Variants in SYCE1L observed in about 807,000 individuals in gnomAD.
The protein encoded by SYCE1L is synaptonemal complex central element protein 1-like.
SYCE1L carries 51 observed loss-of-function variants against 39.6 expected under a neutral mutation model. The observed-to-expected ratio is 1.29, with a 90% confidence interval of 1.03 to 1.63. SYCE1L has a LOEUF of 1.63. SYCE1L is among the 40% of genes most tolerant of loss of function. The pLI is 0.00. For missense variants in SYCE1L, 426 were observed against 304.9 expected (o/e 1.40, Z -2.96); for synonymous variants, 147 against 122.4 (o/e 1.20, Z -1.33).
chr16:77,209,383 C>T, intron 5 of SYCE1L, 34 bp from the exon 6 acceptor site: 1 of 1,550,694 alleles, frequency 6.4e-7, no homozygotes, highest in Non-Finnish European at 8.7e-7. Context: ...TCCCCAAGAG[C>T]TCTCAAAGGG....
At chr16:77,204,767 G>A (rs1453444370) in intron 1 of SYCE1L, among the ~76,000 whole-genome samples, 4 of 152,202 alleles carry the variant, frequency 2.6e-5, no homozygotes, top group Middle Eastern at 3.4e-3. Flanking sequence ...GGATGTGGCC[G>A]GCTGCGGTGG....
intron 1 of SYCE1L, among the ~76,000 whole-genome samples, chr16:77,205,158 G>A (rs1164921369): frequency 6.6e-6 from 1 of 151,848 alleles, no homozygotes; most frequent in Non-Finnish European, 1.5e-5. Context: ...CTCTGAGGAG[G>A]AGAATTGGAG....
chr16:77,203,553 T>A (rs2054761846), intron 1 of SYCE1L, among the ~76,000 whole-genome samples: 1 of 151,636 alleles, frequency 6.6e-6, no homozygotes, highest in African/African-American at 2.4e-5. Context: ...CCTGCAAACA[T>A]GCTGTAAGTA....
intron 1 of SYCE1L, chr16:77,201,323 A>C (rs1036352277): frequency 6.6e-6 from 1 of 152,248 alleles, no homozygotes; most frequent in East Asian, 1.9e-4. Flanking sequence ...CAATTAAAAA[A>C]AAAATTTTAG....
At chr16:77,205,307 T>C (rs1383750269) in intron 1 of SYCE1L, among the ~76,000 whole-genome samples, 1 of 151,692 alleles carries the variant, frequency 6.6e-6, no homozygotes, top group East Asian at 1.9e-4. Flanking sequence ...CGTAGGTCAC[T>C]GAGATTTGAC....
intron 6 of SYCE1L, among the ~76,000 whole-genome samples, chr16:77,210,976 G>C (rs1291701278): frequency 6.6e-6 from 1 of 152,210 alleles, no homozygotes; most frequent in Non-Finnish European, 1.5e-5. Context: ...AGGAATCTGG[G>C]GTAACTCCCA....
intron 1 of SYCE1L, chr16:77,200,274 G>GTATATATATATATATATATATATA (rs1229854135): frequency 8.8e-6 from 1 of 113,574 alleles, no homozygotes. Context: ...ATATATATGT[G>GTATATATATATATATATATATATA]TATATATATA....
Position 77,206,461 on chromosome 16 carries a change from A to T in SYCE1L, c.82A>T (p.Thr28Ser). ...EAEGQAKSLKTEDLLAMVIKL... is the reference protein window; with the variant it reads ...EAEGQAKSLKSEDLLAMVIKL... Reference sequence around the variant, plus strand: ...TACAGGGCAAGCCAAGTCTTTGAAGACTGAAGACTTGCTGGCAATGGTGAT... The same window carrying T: ...TACAGGGCAAGCCAAGTCTTTGAAGTCTGAAGACTTGCTGGCAATGGTGAT... Residue 28 changes from threonine (T) to serine (S), a missense_variant, in exon 2 of 11, where the codon ACT becomes TCT. Thr to Ser is a moderately conservative substitution (Grantham distance 58). Transcript: ENST00000378644. 6.4e-7 allele frequency: 1 copy of T among 1,551,690 alleles called. No homozygotes were observed. Among genetic ancestry groups the T allele is most frequent in the South Asian group, 1.2e-5 (1 of 84,056 alleles).
intron 1 of SYCE1L, 26 bp downstream of exon 1, chr16:77,199,538 C>T: frequency 1.3e-6 from 2 of 1,526,740 alleles, no homozygotes; most frequent in Non-Finnish European, 1.8e-6. Flanking sequence ...GGGCTGCACT[C>T]CTTTCTCTCC....
chr16:77,199,892 A>G, intron 1 of SYCE1L: 1 of 169,494 alleles, frequency 5.9e-6, no homozygotes, highest in Non-Finnish European at 1.3e-5. Context: ...CACATATGAC[A>G]CTTTGATGGA....
At chr16:77,199,865 C>G in intron 1 of SYCE1L, 1 of 192,946 alleles carries the variant, frequency 5.2e-6, no homozygotes, top group Non-Finnish European at 1.1e-5. Context: ...TTCCCAGTGT[C>G]GCCATTTCAC....
rs2054827221 is a variant in SYCE1L, at chr16:77,212,145, C to T, written c.439C>T (p.Leu147=). The part of the protein sequence containing the change: ...LWEFHMLEQR[L]AREIRALERS... ...GTCCTCGCAGATGCTGGAGCAGCGA[C>T]TGGCCCGGGAGATCCGTGCCCTGGA... Residue 147 remains leucine, a synonymous_variant, in exon 8 of 11, where the codon CTG becomes TTG. Transcript: ENST00000378644. 1.3e-6 allele frequency: 2 copies of T among 1,548,810 alleles called. No individual in the cohort carries two copies. The highest frequency in any genetic ancestry group is 2.7e-5 in the African/African-American group (2 of 73,094).
chr16:77,205,832 AC>A (rs1392051215), intron 1 of SYCE1L, among the ~76,000 whole-genome samples: 1 of 151,872 alleles, frequency 6.6e-6, no homozygotes, highest in African/African-American at 2.4e-5. Context: ...CATAGGGAGC[AC>A]TCCCCAAGGC....
Position 77,208,430 on chromosome 16 carries a change from C to T in SYCE1L, c.182-35C>T. 1.9e-6 allele frequency: 3 copies of T among 1,551,068 alleles called. 1 individual carries two copies. The South Asian group carries it at 3.6e-5, about 18-fold the overall frequency. On this transcript the variant is annotated intron_variant, in intron 3 of 10. Transcript: ENST00000378644. Reference sequence around the variant, plus strand: ...GAGAGAACAGCAAGGCTAGAGACTACACTCATACAGTGTCTTTTTCCCTTC... The same window carrying T: ...GAGAGAACAGCAAGGCTAGAGACTATACTCATACAGTGTCTTTTTCCCTTC...
intron 1 of SYCE1L, chr16:77,200,746 C>CAAAAAAAAAAAAAAAAAAAA (rs11344903): frequency 1.2e-5 from 1 of 84,836 alleles, no homozygotes; most frequent in Non-Finnish European, 2.3e-5. Context: ...ACAGAGTGAG[C>CAAAAAAAAAAAAAAAAAAAA]AAAAAAAAAA....
At chr16:77,203,711 C>A (rs1041777570) in intron 1 of SYCE1L, among the ~76,000 whole-genome samples, 1 of 150,456 alleles carries the variant, frequency 6.6e-6, no homozygotes, top group African/African-American at 2.4e-5. Flanking sequence ...TCTCCTGCCT[C>A]AGCCTCCCAA....
intron 7 of SYCE1L, 132 bp downstream of exon 7, chr16:77,211,408 C>T (rs1471996778): frequency 9.3e-7 from 1 of 1,079,434 alleles, no homozygotes; most frequent in Non-Finnish European, 1.4e-6. Context: ...TTCCGCTTGC[C>T]CACCTATTCA....
At chr16:77,202,806 A>G (rs12925016) in intron 1 of SYCE1L, among the ~76,000 whole-genome samples, 4,835 of 143,216 alleles carry the variant, frequency 0.034, 106 homozygotes, top group South Asian at 0.052. Context: ...CATAGCTGAA[A>G]TAAATAGGGT....
At chr16:77,210,973 TG>T (rs1354987232) in intron 6 of SYCE1L, among the ~76,000 whole-genome samples, 3 of 152,200 alleles carry the variant, frequency 2.0e-5, no homozygotes, top group Non-Finnish European at 2.9e-5. Flanking sequence ...CAGAGGAATC[TG>T]GGGTAACTCC....
Sources: gnomAD v4.1 joint callset for allele counts (sites outside exome capture counted in the v4.1 genomes callset) on GRCh38, gnomAD v4.1.1 for gene constraint, MANE v1.5 for transcripts, NCBI Gene and HGNC (gene_info 2026-07-23, HGNC 2026-07-21) for gene names.